The following SPESP1 variants were observed in gnomAD, a reference collection of about 807,000 sequenced individuals.
SPESP1 encodes the protein sperm equatorial segment protein 1, also known as equatorial segment protein.
Under a neutral mutation model 3.1 loss-of-function variants are expected in SPESP1, and 1 was observed. The ratio of observed to expected loss-of-function variants is 0.33; its 90% confidence interval spans 0.12 to 1.54. SPESP1 has a LOEUF of 1.54. Ranked by LOEUF, SPESP1 falls within the 40% of genes most tolerant of loss-of-function variation. The probability of loss-of-function intolerance (pLI) is 0.38; values close to 1 mark genes in which losing one functional copy is unlikely to be tolerated. For missense variants in SPESP1, 398 were observed against 410.1 expected (o/e 0.97, Z 0.26); for synonymous variants, 138 against 150.7 (o/e 0.92, Z 0.62).
At chr15:68,941,740 T>C (rs1199783188) in intron 1 of SPESP1, among the ~76,000 whole-genome samples, 2 of 152,196 alleles carry the variant, frequency 1.3e-5, no homozygotes, top group African/African-American at 2.4e-5. Flanking sequence ...AGACACTTCT[T>C]TCTTAAGGTA....
At chr15:68,933,111 A>G (rs1015161613) in intron 1 of SPESP1, among the ~76,000 whole-genome samples, 2 of 152,238 alleles carry the variant, frequency 1.3e-5, no homozygotes, top group Non-Finnish European at 1.5e-5. Flanking sequence ...ATAGGTTTTT[A>G]TAATGAAAAG....
At position 68,946,451 on chromosome 15, in the gene SPESP1, C is replaced by T. The variant is rs1341555898; in HGVS notation, c.917C>T (p.Ser306Phe). ...IETVINMLCN[S>F]RSKLYEYLDI... ...ACTGTTATTAACATGCTGTGTAATT[C>T]TAGATCTAAACTCTATGAATATTTA... Residue 306 changes from serine (S) to phenylalanine (F), a missense_variant, in exon 2 of 2, where the codon TCT becomes TTT. Physicochemically the swap from Ser to Phe is radical, Grantham distance 155. Transcript: ENST00000310673. 6.2e-6 allele frequency: 10 copies of T among 1,613,000 alleles called. No homozygotes were observed. In the South Asian group the frequency reaches 1.1e-4, roughly 18 times the overall value.
Position 68,946,804 on chromosome 15 carries a change from G to A in SPESP1, c.*217G>A. 2 of 506,028 alleles carry A rather than the reference G, an allele frequency of 4.0e-6. No homozygotes were observed. The highest frequency in any genetic ancestry group is 5.7e-6 in the Non-Finnish European group (2 of 348,526). 31.3% of individuals were successfully genotyped at this position (506,028 alleles called of 1,614,324 possible). A position where few individuals can be genotyped will look rare whatever the true frequency, so the allele number is the denominator to read the frequency against. ...AAACCTAATTTAAAATAAAATTTTG[G>A]TTCAGGAGTTTGTAGTTTTTTCTCA... On this transcript the variant is annotated 3_prime_UTR_variant, in exon 2 of 2. Transcript: ENST00000310673.
rs747565335 is a variant in SPESP1, at chr15:68,946,406, AT to A, written c.873del (p.Asn291LysfsTer24). The A allele has an allele frequency of 6.2e-7, 1 of 1,614,008 alleles. No homozygotes were observed. The highest frequency in any genetic ancestry group is 8.5e-7 in the Non-Finnish European group (1 of 1,180,016). ...SQLLPVGRTS[N>X]KIDDIETVIN... is the part of the protein sequence containing the mutation. ...TTATTGCCAGTAGGACGAACAAGTA[AT>A]AAAATTGATGACATCGAAACTGTTA... On this transcript the variant is annotated frameshift_variant, in exon 2 of 2. Transcript: ENST00000310673. LOFTEE classifies it low-confidence loss of function (END_TRUNC).
rs1313126323 is a variant in SPESP1 at position 68,946,422 on chromosome 15, C to T, written c.888C>T (p.Ile296=). ...VGRTSNKIDD[I]ETVINMLCNS... ...GAACAAGTAATAAAATTGATGACATCGAAACTGTTATTAACATGCTGTGTA... is the reference window on the plus strand; with the variant it reads ...GAACAAGTAATAAAATTGATGACATTGAAACTGTTATTAACATGCTGTGTA... The change falls in exon 2 of 2, where the codon ATC becomes ATT. Residue 296 remains isoleucine, a synonymous_variant. Transcript: ENST00000310673. 20 of 1,613,830 alleles carry T rather than the reference C, an allele frequency of 1.2e-5. No individual in the cohort carries two copies. Among genetic ancestry groups the T allele is most frequent in the Admixed American group, 1.0e-4 (6 of 59,978 alleles).
At chr15:68,943,621 C>T (rs1322697898) in intron 1 of SPESP1, among the ~76,000 whole-genome samples, 1 of 152,088 alleles carries the variant, frequency 6.6e-6, no homozygotes, top group African/African-American at 2.4e-5. Flanking sequence ...CAAGCAGCCA[C>T]CCCCTGATTT....
intron 1 of SPESP1, among the ~76,000 whole-genome samples, chr15:68,931,524 G>T (rs1200520041): frequency 1.3e-5 from 2 of 152,126 alleles, no homozygotes; most frequent in Non-Finnish European, 2.9e-5. Flanking sequence ...TGACCCGTAC[G>T]GTAAAATTTG....
rs149609506 is a variant in SPESP1 at position 68,938,104 on chromosome 15, G to A, written c.64+7387G>A. 3.3e-3 allele frequency among the ~76,000 whole-genome samples: 505 copies of A among 151,874 alleles called. 2 individuals carry two copies. Among genetic ancestry groups the A allele is most frequent in the African/African-American group, 0.012 (489 of 41,398 alleles). Reference sequence around the variant, plus strand: ...CAAGCGATTCTCCTGCCTCAGCCTCGAGAGTAGCTGGGACTACAGGTGCAT... The same window carrying A: ...CAAGCGATTCTCCTGCCTCAGCCTCAAGAGTAGCTGGGACTACAGGTGCAT... On this transcript the variant is annotated intron_variant, in intron 1 of 1. Transcript: ENST00000310673.
chr15:68,937,460 A>G (rs1205303733), intron 1 of SPESP1, among the ~76,000 whole-genome samples: 1 of 152,224 alleles, frequency 6.6e-6, no homozygotes, highest in Admixed American at 6.5e-5. Context: ...TAGGGATCAA[A>G]AGGGGAGTAA....
chr15:68,930,802 C>G, intron 1 of SPESP1, 85 bp downstream of exon 1: 1 of 1,598,884 alleles, frequency 6.3e-7, no homozygotes, highest in Non-Finnish European at 8.5e-7. Context: ...CCTGGCCCTT[C>G]CTTCTCCCTG....
At chr15:68,937,411 G>A (rs1053833402) in intron 1 of SPESP1, among the ~76,000 whole-genome samples, 2 of 151,976 alleles carry the variant, frequency 1.3e-5, no homozygotes, top group South Asian at 2.1e-4. Flanking sequence ...ATTCTATAAA[G>A]AAAAGATCAG....
At chr15:68,944,638 A>C (rs1407367890) in intron 1 of SPESP1, among the ~76,000 whole-genome samples, 1 of 152,146 alleles carries the variant, frequency 6.6e-6, no homozygotes, top group Non-Finnish European at 1.5e-5. Context: ...AGGAACTCAC[A>C]AACTTTTTCT....
intron 1 of SPESP1, among the ~76,000 whole-genome samples, chr15:68,933,694 A>G (rs1895611078): frequency 1.3e-5 from 2 of 152,064 alleles, no homozygotes; most frequent in South Asian, 4.1e-4. Flanking sequence ...CCCCGTCTTT[A>G]CAAAAAATAC....
chr15:68,944,616 A>C (rs185566706), intron 1 of SPESP1, among the ~76,000 whole-genome samples: 4 of 152,278 alleles, frequency 2.6e-5, no homozygotes, highest in Admixed American at 6.5e-5. Flanking sequence ...TGAAATGCTG[A>C]TGATTTAGAC....
intron 1 of SPESP1, among the ~76,000 whole-genome samples, chr15:68,945,068 A>G (rs766660919): frequency 4.6e-5 from 7 of 152,216 alleles, no homozygotes; most frequent in Admixed American, 2.0e-4. Flanking sequence ...CCTCACAAGC[A>G]TAGAAAATAG....
At chr15:68,944,929 T>A (rs1453167705) in intron 1 of SPESP1, among the ~76,000 whole-genome samples, 1 of 152,168 alleles carries the variant, frequency 6.6e-6, no homozygotes, top group Non-Finnish European at 1.5e-5. Context: ...CTCATTTACA[T>A]GGCGTAGATA....
At chr15:68,943,892 C>A (rs1895892539) in intron 1 of SPESP1, among the ~76,000 whole-genome samples, 1 of 151,246 alleles carries the variant, frequency 6.6e-6, no homozygotes, top group African/African-American at 2.4e-5. Context: ...TTTGATTAAA[C>A]GTCGATCTGG....
Position 68,946,190 on chromosome 15 carries a change from A to C in SPESP1, c.656A>C (p.Glu219Ala). 1 of 1,614,188 alleles carries C rather than the reference A, an allele frequency of 6.2e-7. No individual in the cohort carries two copies. The highest frequency in any genetic ancestry group is 8.5e-7 in the Non-Finnish European group (1 of 1,180,044). Residue 219 changes from glutamate (E) to alanine (A), a missense_variant, in exon 2 of 2, where the codon GAG becomes GCG. Glu to Ala is a moderately radical substitution (Grantham distance 107). Transcript: ENST00000310673. ...EKPEEFGKHP[E>A]SWNNDDILKK... ...CCCGAAGAGTTTGGAAAGCACCCAG[A>C]GAGTTGGAATAATGATGACATTTTG...
intron 1 of SPESP1, among the ~76,000 whole-genome samples, chr15:68,944,450 C>T (rs993948227): frequency 2.6e-5 from 4 of 151,338 alleles, no homozygotes; most frequent in Admixed American, 1.3e-4. Context: ...TTTAAGTCAA[C>T]TAAAACAATT....
Sources: gnomAD v4.1 joint callset for allele counts (sites outside exome capture counted in the v4.1 genomes callset) on GRCh38, gnomAD v4.1.1 for gene constraint, MANE v1.5 for transcripts, NCBI Gene and HGNC (gene_info 2026-07-23, HGNC 2026-07-21) for gene names.